The following ARFIP1 variants were observed in gnomAD, a reference collection of about 807,000 sequenced individuals.
ARFIP1 encodes arfaptin-1.
Under a neutral mutation model 42.5 loss-of-function variants are expected in ARFIP1, and 24 were observed. The ratio of observed to expected loss-of-function variants is 0.57; its 90% CI spans 0.41 to 0.80. ARFIP1 has a LOEUF of 0.80. Among genes scored for constraint, ARFIP1 ranks in the 30% least tolerant of loss-of-function variants. ARFIP1 has a pLI of 0.00. For synonymous variants in ARFIP1, 141 were observed against 153.7 expected, an observed-to-expected ratio of 0.92 and a Z score of 0.61; for missense variants, 354 against 434.0, an observed-to-expected ratio of 0.82 and a Z score of 1.64.
chr4:152,824,752 G>T (rs545366559), intron 1 of ARFIP1, among the ~76,000 whole-genome samples: 2 of 152,280 alleles, frequency 1.3e-5, no homozygotes, highest in East Asian at 3.9e-4. Context: ...AGGAAGTCCG[G>T]TGATCTCTGT....
intron 8 of ARFIP1, among the ~76,000 whole-genome samples, chr4:152,903,443 T>G (rs964785041): frequency 1.3e-5 from 2 of 152,122 alleles, no homozygotes; most frequent in East Asian, 1.9e-4. Context: ...AATAGCTTCT[T>G]ATATTTGAGG....
chr4:152,848,439 C>G (rs1732733407), intron 2 of ARFIP1, among the ~76,000 whole-genome samples: 1 of 152,136 alleles, frequency 6.6e-6, no homozygotes. Context: ...ATCTTGTGTC[C>G]TTAATTTCCC....
intron 8 of ARFIP1, among the ~76,000 whole-genome samples, chr4:152,909,375 ACT>A (rs1335313450): frequency 1.3e-5 from 2 of 152,106 alleles, no homozygotes; most frequent in Admixed American, 6.6e-5. Context: ...ACAGAGCAAG[ACT>A]CTGTCTCAAA....
At chr4:152,804,910 T>G (rs1365054585) in intron 1 of ARFIP1, among the ~76,000 whole-genome samples, 1 of 152,178 alleles carries the variant, frequency 6.6e-6, no homozygotes, top group Non-Finnish European at 1.5e-5. Flanking sequence ...TTAGTTAATT[T>G]CCTTAACCTT....
chr4:152,787,341 A>G lies in ARFIP1; in HGVS notation c.-10+7115A>G, dbSNP rs138525619. ...AATTCAAAACTTTTTTGAGCCCAAC[A>G]TGATGCTACAAGTACATAATTCTAC... On this transcript the variant is annotated intron_variant, in intron 1 of 8. Transcript: ENST00000353617. 4.6e-5 allele frequency among the ~76,000 whole-genome samples: 7 copies of G among 152,374 alleles called. No homozygotes were observed. In the East Asian group the frequency reaches 1.3e-3, roughly 29 times the overall value.
At chr4:152,842,873 C>T (rs1318169466) in intron 2 of ARFIP1, among the ~76,000 whole-genome samples, 1 of 151,714 alleles carries the variant, frequency 6.6e-6, no homozygotes, top group Non-Finnish European at 1.5e-5. Context: ...TTCTCTGGTC[C>T]CTCCCTGGTT....
At chr4:152,791,144 A>C (rs962840718) in intron 1 of ARFIP1, among the ~76,000 whole-genome samples, 2 of 152,220 alleles carry the variant, frequency 1.3e-5, no homozygotes, top group African/African-American at 4.8e-5. Context: ...AGTTGTTAAT[A>C]TAAAGACAGA....
chr4:152,787,964 G>A (rs1236085443), intron 1 of ARFIP1, among the ~76,000 whole-genome samples: 1 of 152,216 alleles, frequency 6.6e-6, no homozygotes, highest in Admixed American at 6.5e-5. Flanking sequence ...AGTGGCTCAC[G>A]CCTGTAATCC....
chr4:152,813,625 G>A (rs763498674), intron 1 of ARFIP1, among the ~76,000 whole-genome samples: 1 of 151,986 alleles, frequency 6.6e-6, no homozygotes, highest in Non-Finnish European at 1.5e-5. Flanking sequence ...AAATTTTGTA[G>A]TCCACTTACA....
chr4:152,868,397 G>C (rs1000428208), intron 3 of ARFIP1, among the ~76,000 whole-genome samples: 15 of 152,086 alleles, frequency 9.9e-5, no homozygotes, highest in Admixed American at 4.6e-4. Context: ...CTGTATTATT[G>C]AGAGATCCTG....
chr4:152,847,078 C>T (rs1732592463), intron 2 of ARFIP1, among the ~76,000 whole-genome samples: 1 of 144,504 alleles, frequency 6.9e-6, no homozygotes, highest in Non-Finnish European at 1.5e-5. Context: ...ATCCCTTTGC[C>T]AGCAGTTTAG....
chr4:152,904,176 G>GTA (rs1435452275), intron 8 of ARFIP1, among the ~76,000 whole-genome samples: 60 of 99,002 alleles, frequency 6.1e-4, no homozygotes, highest in African/African-American at 2.0e-3. Context: ...ATATGTGTGT[G>GTA]TGTGTATATA....
At position 152,829,699 on chromosome 4, in the gene ARFIP1, T is replaced by C; in HGVS notation, c.66T>C (p.Asp22=). The change falls in exon 2 of 9, where the codon GAT becomes GAC. Residue 22 remains aspartate (D), a synonymous_variant. Coordinates refer to ENST00000353617, the MANE Select transcript of ARFIP1 (RefSeq NM_001025595.3). ...CAGTGACTAGTAATGGAGAAGTTGA[T>C]GACTCTCGTGAACATAGCTTTAATA... The part of the protein sequence containing the change: ...EIPVTSNGEV[D]DSREHSFNRD... 6.2e-7 allele frequency: 1 copy of C among 1,611,440 alleles called. No individual in the cohort carries two copies. The highest frequency in any genetic ancestry group is 8.5e-7 in the Non-Finnish European group (1 of 1,178,362).
At chr4:152,835,099 T>A (rs1245006764) in intron 2 of ARFIP1, among the ~76,000 whole-genome samples, 2 of 152,178 alleles carry the variant, frequency 1.3e-5, no homozygotes, top group Admixed American at 6.5e-5. Flanking sequence ...TTTTTCCCAT[T>A]GTCTTGGATG....
chr4:152,831,543 A>G (rs949704371), intron 2 of ARFIP1, among the ~76,000 whole-genome samples: 15 of 152,218 alleles, frequency 9.9e-5, no homozygotes, highest in Non-Finnish European at 1.5e-4. Flanking sequence ...AAGATGTAGA[A>G]CATTTCCAGG....
intron 1 of ARFIP1, among the ~76,000 whole-genome samples, chr4:152,819,558 A>T (rs912413406): frequency 6.6e-6 from 1 of 152,198 alleles, no homozygotes; most frequent in Non-Finnish European, 1.5e-5. Context: ...AGCTACACCC[A>T]GAGGAGCAGC....
At chr4:152,784,761 G>T (rs945350495) in intron 1 of ARFIP1, among the ~76,000 whole-genome samples, 1 of 152,214 alleles carries the variant, frequency 6.6e-6, no homozygotes, top group Non-Finnish European at 1.5e-5. Flanking sequence ...GAAGGTAGTT[G>T]CAAAACAGGC....
chr4:152,881,296 A>T, intron 6 of ARFIP1, 112 bp downstream of exon 6: 1 of 831,146 alleles, frequency 1.2e-6, no homozygotes, highest in Non-Finnish European at 1.9e-6. Flanking sequence ...TGGAATTCTG[A>T]GATTCTCTTT....
chr4:152,856,960 A>G (rs1005765959), intron 2 of ARFIP1, among the ~76,000 whole-genome samples: 1 of 152,254 alleles, frequency 6.6e-6, no homozygotes, highest in Non-Finnish European at 1.5e-5. Flanking sequence ...GAATGAAAGG[A>G]ATGCTAATAT....
Sources: allele counts gnomAD v4.1 joint callset (sites outside exome capture counted in the v4.1 genomes callset), GRCh38; gene constraint gnomAD v4.1.1; transcripts MANE v1.5; gene names NCBI Gene and HGNC (gene_info 2026-07-23, HGNC 2026-07-21).